The following ZYG11B variants were observed in gnomAD, a reference collection of about 807,000 sequenced individuals.
The protein encoded by ZYG11B is protein zyg-11 homolog B.
A neutral mutation model predicts 82.4 loss-of-function variants in ZYG11B; 36 were observed. That is an observed-to-expected ratio of 0.44 (90% CI 0.33 to 0.58). The LOEUF is 0.58. ZYG11B is among the 20% of genes least tolerant of loss of function. The pLI, the probability that ZYG11B is intolerant of heterozygous loss-of-function variation, is 0.02. For synonymous variants in ZYG11B, 303 were observed against 312.8 expected (o/e 0.97, Z 0.33); for missense variants, 552 against 895.6 (o/e 0.62, Z 4.90).
In ZYG11B at chr1:52,818,540, A is replaced by G. The variant is rs1479956915; in HGVS notation, c.2044+1911A>G. ...AAATGTAGACTTGTAGGCCATGCAT[A>G]GGGATTTTTGTGGCTCTGCTGCAAG... On this transcript the variant is annotated intron_variant, in intron 13 of 13. Coordinates refer to ENST00000294353, the MANE Select transcript of ZYG11B (RefSeq NM_024646.3). 2.0e-5 allele frequency among the ~76,000 whole-genome samples: 3 copies of G among 151,884 alleles called. No homozygotes were observed. In the East Asian group the frequency reaches 5.8e-4, roughly 30 times the overall value.
chr1:52,813,178 C>T (rs1445291666), intron 10 of ZYG11B, among the ~76,000 whole-genome samples: 1 of 152,154 alleles, frequency 6.6e-6, no homozygotes, highest in East Asian at 1.9e-4. Flanking sequence ...GTAGTTCTTT[C>T]CCTAGCCTCC....
At chr1:52,743,956 A>G (rs890859362) in intron 1 of ZYG11B, among the ~76,000 whole-genome samples, 3 of 151,046 alleles carry the variant, frequency 2.0e-5, no homozygotes, top group African/African-American at 7.3e-5. Flanking sequence ...TTTTTGAGAC[A>G]GAGTCTCGCT....
In ZYG11B at chr1:52,742,732, C is replaced by A. The variant is rs1299611608; in HGVS notation, c.31-13726C>A. ...TTGCAGGCGCCTGTAGTCCCAGCTT[C>A]TCGGGAGGCTGAGGCAGGAGAATGG... On this transcript the variant is annotated intron_variant, in intron 1 of 13. Transcript: ENST00000294353. 2.6e-5 allele frequency among the ~76,000 whole-genome samples: 4 copies of A among 151,366 alleles called. No individual in the cohort carries two copies. In the East Asian group the frequency reaches 5.9e-4, roughly 22 times the overall value.
At chr1:52,730,148 C>T (rs1463090146) in intron 1 of ZYG11B, among the ~76,000 whole-genome samples, 2 of 152,090 alleles carry the variant, frequency 1.3e-5, no homozygotes, top group Admixed American at 6.6e-5. Flanking sequence ...TGCTGCTGGT[C>T]TGTGAACCAC....
At chr1:52,757,818 A>C (rs1327892969) in intron 2 of ZYG11B, among the ~76,000 whole-genome samples, 1 of 152,146 alleles carries the variant, frequency 6.6e-6, no homozygotes, top group African/African-American at 2.4e-5. Context: ...GTTTTCAAAA[A>C]CCAGTGCTGA....
At chr1:52,816,852 G>A (rs1186187483) in intron 13 of ZYG11B, among the ~76,000 whole-genome samples, 3 of 139,620 alleles carry the variant, frequency 2.1e-5, no homozygotes, top group East Asian at 2.2e-4. Context: ...ACAGTGGCGC[G>A]ATCTCGGCTC....
At chr1:52,802,286 C>T (rs1469854901) in intron 10 of ZYG11B, 147 bp downstream of exon 10, 2 of 576,452 alleles carry the variant, frequency 3.5e-6, no homozygotes. Flanking sequence ...ATTCCCAATA[C>T]CTCACCATGA....
intron 1 of ZYG11B, among the ~76,000 whole-genome samples, chr1:52,732,570 A>C (rs4926573): frequency 0.12 from 18,234 of 152,074 alleles, 2,671 homozygotes; most frequent in East Asian, 0.39. Context: ...CACTGTGATT[A>C]CAGAGGTTAA....
intron 10 of ZYG11B, among the ~76,000 whole-genome samples, chr1:52,802,577 C>G (rs956339772): frequency 6.6e-6 from 1 of 151,562 alleles, no homozygotes; most frequent in Non-Finnish European, 1.5e-5. Context: ...TCTCAAACTC[C>G]TGAGCTCAAG....
At chr1:52,760,853 C>G (rs915988576) in intron 2 of ZYG11B, among the ~76,000 whole-genome samples, 1 of 151,230 alleles carries the variant, frequency 6.6e-6, no homozygotes, top group Non-Finnish European at 1.5e-5. Context: ...GTCTCTGCCT[C>G]CTGGGTTCAT....
intron 1 of ZYG11B, among the ~76,000 whole-genome samples, chr1:52,727,395 G>A (rs1644295162): frequency 6.6e-6 from 1 of 152,148 alleles, no homozygotes; most frequent in African/African-American, 2.4e-5. Context: ...TTGCAAAATC[G>A]AAGTGGTGGT....
At chr1:52,735,519 C>A (rs1011220779) in intron 1 of ZYG11B, among the ~76,000 whole-genome samples, 1 of 151,972 alleles carries the variant, frequency 6.6e-6, no homozygotes, top group Admixed American at 6.6e-5. Context: ...AGACTGGAGG[C>A]GTGCCACTCT....
rs1644750921 is a variant in ZYG11B at position 52,771,535 on chromosome 1, C to A, written c.712C>A (p.His238Asn). 1 of 1,614,002 alleles carries A rather than the reference C, an allele frequency of 6.2e-7. No homozygotes were observed. The highest frequency in any genetic ancestry group is 1.3e-5 in the African/African-American group (1 of 74,942). ...QILDVVRELK[H>N]LNHLDISDDK... ...ACTGGATGTAGTTCGGGAACTCAAACATCTGAATCATCTTGATATCTCAGA... is the reference window on the plus strand; with the variant it reads ...ACTGGATGTAGTTCGGGAACTCAAAAATCTGAATCATCTTGATATCTCAGA... Residue 238 changes from histidine (H) to asparagine (N), a missense_variant, in exon 3 of 14, where the codon CAT (histidine) becomes AAT (asparagine). Around this residue, in one of 3 missense-constraint regions of ZYG11B, gnomAD observed 359 missense variants for 555.8 expected, o/e 0.65. Transcript: ENST00000294353. The surrounding 1 kb of genome is among the most constrained non-coding windows in gnomAD (Gnocchi z 5.4).
At chr1:52,753,356 A>T (rs536054944) in intron 1 of ZYG11B, among the ~76,000 whole-genome samples, 1 of 148,942 alleles carries the variant, frequency 6.7e-6, no homozygotes, top group Non-Finnish European at 1.5e-5. Flanking sequence ...GAGGTTTCCA[A>T]TTTTTTCTCC....
intron 1 of ZYG11B, among the ~76,000 whole-genome samples, chr1:52,749,674 G>A (rs1480442226): frequency 6.6e-6 from 1 of 151,914 alleles, no homozygotes; most frequent in Non-Finnish European, 1.5e-5. Context: ...TGCGATCTTG[G>A]CTCACCGCAA....
chr1:52,741,599 A>G (rs1002175010), intron 1 of ZYG11B, among the ~76,000 whole-genome samples: 1 of 152,182 alleles, frequency 6.6e-6, no homozygotes, highest in Admixed American at 6.6e-5. Flanking sequence ...TATTCATGCA[A>G]TAAACATTTA....
In ZYG11B at chr1:52,824,187, C is replaced by G. The variant is rs993236620; in HGVS notation, c.*2558C>G. 6.6e-6 allele frequency: 1 copy of G among 151,816 alleles called. No individual in the cohort carries two copies. The highest frequency in any genetic ancestry group is 1.5e-5 in the Non-Finnish European group (1 of 67,990). The allele number at this position is 151,816 out of a possible 1,614,324, so 9.4% of individuals were successfully genotyped here. A position where few individuals can be genotyped will look rare whatever the true frequency, so the allele number is the denominator to read the frequency against. ...TTTTCTTTTTGTAGAGACAGAGTTTCACTCTGTCGCCCAAGCTGGAGTGCA... is the reference window on the plus strand; with the variant it reads ...TTTTCTTTTTGTAGAGACAGAGTTTGACTCTGTCGCCCAAGCTGGAGTGCA... On this transcript the variant is annotated 3_prime_UTR_variant, in exon 14 of 14. Coordinates refer to ENST00000294353, the MANE Select transcript of ZYG11B (RefSeq NM_024646.3).
rs1644761142 is a variant in ZYG11B, at chr1:52,772,496, A to G, written c.951+722A>G. ...CACCATGTGATTCTCTCACGATTAC[A>G]CCGATCTGTGAAGGAGTAAGGCCCT... On this transcript the variant is annotated intron_variant, in intron 3 of 13. Transcript: ENST00000294353. The G allele has an allele frequency of 3.1e-6, 5 of 1,599,924 alleles. No individual in the cohort carries two copies. In the South Asian group the frequency reaches 4.4e-5, roughly 14 times the overall value.
intron 10 of ZYG11B, 144 bp downstream of exon 10, chr1:52,802,283 A>G (rs953027169): frequency 2.2e-5 from 13 of 597,360 alleles, no homozygotes; most frequent in African/African-American, 7.7e-5. Flanking sequence ...ACTATTCCCA[A>G]TACCTCACCA....
Sources: allele counts gnomAD v4.1 joint callset (sites outside exome capture counted in the v4.1 genomes callset), GRCh38; gene constraint gnomAD v4.1.1; regional missense constraint gnomAD v4.1.1; non-coding constraint Gnocchi (gnomAD v3.1); transcripts MANE v1.5; gene names NCBI Gene and HGNC (gene_info 2026-07-23, HGNC 2026-07-21).